ZNF721: variants seen among roughly 807,000 people sequenced by gnomAD.
ZNF721 encodes zinc finger protein 721.
ZNF721 carries 2 observed loss-of-function variants against 2.4 expected under a neutral mutation model. The observed-to-expected ratio is 0.82, with a 90% CI of 0.34 to 2.58. ZNF721 has a LOEUF of 2.58. Among genes scored for constraint, ZNF721 ranks in the 30% most tolerant of loss-of-function variants. ZNF721 has a pLI of 0.11. For synonymous variants in ZNF721, 398 were observed against 381.8 expected, an observed-to-expected ratio of 1.04 and a Z score of -0.50; for missense variants, 1,187 against 1,085.5, an observed-to-expected ratio of 1.09 and a Z score of -1.31.
chr4:447,334 TAAATA>T (rs1714510004), intron 2 of ZNF721, among the ~76,000 whole-genome samples: 1 of 151,552 alleles, frequency 6.6e-6, no homozygotes, highest in Admixed American at 6.6e-5. Context: ...AATAAATAAA[TAAATA>T]AAATAAAACA....
At position 442,779 on chromosome 4, in the gene ZNF721, CCA is replaced by C; in HGVS notation, c.1686_1687del (p.Cys562TrpfsTer5). The C allele has an allele frequency of 6.2e-7, 1 of 1,614,028 alleles. No individual in the cohort carries two copies. Among genetic ancestry groups the C allele is most frequent in the Admixed American group, 1.7e-5 (1 of 60,006 alleles). ...GTTTGCGGACTGTCTAAAGGTTTTGCCACATTCTTCACATGTGTAGGGTTTCT... is the reference window on the plus strand; with the variant it reads ...GTTTGCGGACTGTCTAAAGGTTTTGCCATTCTTCACATGTGTAGGGTTTCT... On this transcript the variant is annotated frameshift_variant, in exon 3 of 3. Transcript: ENST00000511833. LOFTEE classifies it low-confidence loss of function (END_TRUNC).
intron 2 of ZNF721, among the ~76,000 whole-genome samples, chr4:463,762 G>A (rs566496977): frequency 2.0e-5 from 3 of 152,258 alleles, no homozygotes; most frequent in East Asian, 3.9e-4. Flanking sequence ...GTAAGGGAAT[G>A]AGGGGGCTAG....
At chr4:475,302 T>G (rs1389193145) in intron 1 of ZNF721, among the ~76,000 whole-genome samples, 2 of 152,204 alleles carry the variant, frequency 1.3e-5, no homozygotes, top group Non-Finnish European at 2.9e-5. Flanking sequence ...GGCCTTTATA[T>G]TACAAGTCAT....
chr4:472,838 G>A, intron 1 of ZNF721, 137 bp from the exon 2 acceptor site: 1 of 1,202,348 alleles, frequency 8.3e-7, no homozygotes, highest in Non-Finnish European at 1.2e-6. Flanking sequence ...GTTCTCTAAA[G>A]TATTCTATAG....
In ZNF721 at chr4:472,539, G is replaced by A. The variant is rs782671951; in HGVS notation, c.34+36C>T. ...CAAAAATAGAAAATAAAACTCAGAG[G>A]GAGTATTAGGAATTATGCATTAAAG... On this transcript the variant is annotated intron_variant, in intron 2 of 2. Transcript: ENST00000511833. 7.0e-6 allele frequency: 11 copies of A among 1,572,056 alleles called. No homozygotes were observed. The African/African-American group carries it at 1.4e-4, about 20-fold the overall frequency.
At chr4:459,325 T>C (rs1553865759) in intron 2 of ZNF721, among the ~76,000 whole-genome samples, 1 of 152,080 alleles carries the variant, frequency 6.6e-6, no homozygotes. Context: ...GTAAAACGGC[T>C]AAATGCCCCA....
Position 442,983 on chromosome 4 carries a change from T to C in ZNF721, c.1484A>G (p.His495Arg), listed in dbSNP as rs1030178003. ...ACATTCAAAGGGTTTCTCGCCAGTATGAATCCTCTTATGTTTAGCAAAGCT... is the reference window on the plus strand; with the variant it reads ...ACATTCAAAGGGTTTCTCGCCAGTACGAATCCTCTTATGTTTAGCAAAGCT... ...SSSFAKHKRIHTGEKPFECLE... is the reference protein window; with the variant it reads ...SSSFAKHKRIRTGEKPFECLE... Residue 495 changes from histidine (H) to arginine (R), a missense_variant, in exon 3 of 3, where the codon CAT (histidine) becomes CGT (arginine). His to Arg is a conservative substitution (Grantham distance 29, BLOSUM62 0). Transcript: ENST00000511833. The C allele has an allele frequency of 6.2e-7, 1 of 1,613,908 alleles. No homozygotes were observed. The highest frequency in any genetic ancestry group is 8.5e-7 in the Non-Finnish European group (1 of 1,179,800).
intron 2 of ZNF721, among the ~76,000 whole-genome samples, chr4:464,454 G>T: frequency 7.5e-6 from 1 of 133,574 alleles, no homozygotes; most frequent in East Asian, 2.1e-4. Context: ...GGGCTACAGA[G>T]CGAGACTCCA....
At chr4:464,876 G>A (rs868962702) in intron 2 of ZNF721, among the ~76,000 whole-genome samples, 4 of 150,976 alleles carry the variant, frequency 2.6e-5, no homozygotes, top group African/African-American at 7.3e-5. Context: ...TCAGGAGATC[G>A]AAACCATCAT....
chr4:450,949 AAAAAAAAATATATATATATATATATAT>A (rs1461297390), intron 2 of ZNF721, among the ~76,000 whole-genome samples: 3 of 46,940 alleles, frequency 6.4e-5, no homozygotes, highest in South Asian at 2.1e-3. Flanking sequence ...AAAAAAAAAA[AAAAAAAAATATATATATATATATATAT>A]ATATATATAT....
At chr4:477,474 G>C (rs962662181) in intron 1 of ZNF721, among the ~76,000 whole-genome samples, 1 of 151,918 alleles carries the variant, frequency 6.6e-6, no homozygotes, top group South Asian at 2.1e-4. Context: ...CCCGGACCTC[G>C]TGATCCGCCT....
At chr4:478,593 G>T (rs931464440) in intron 1 of ZNF721, among the ~76,000 whole-genome samples, 1 of 152,042 alleles carries the variant, frequency 6.6e-6, no homozygotes, top group South Asian at 2.1e-4. Flanking sequence ...TCCATTGCAT[G>T]TACATTCCAT....
At chr4:481,099 T>C (rs1337251061) in intron 1 of ZNF721, among the ~76,000 whole-genome samples, 5 of 152,174 alleles carry the variant, frequency 3.3e-5, no homozygotes, top group Non-Finnish European at 5.9e-5. Context: ...TTTTTGTATT[T>C]TTTGTAGAGA....
At chr4:455,475 G>A (rs978445847) in intron 2 of ZNF721, among the ~76,000 whole-genome samples, 10 of 152,170 alleles carry the variant, frequency 6.6e-5, no homozygotes, top group African/African-American at 2.2e-4. Flanking sequence ...GCTGAGGCAG[G>A]AGAATCGTTT....
rs374613994 is a variant in ZNF721, at chr4:444,709, G to A, written c.35-277C>T. Among the ~76,000 whole-genome samples, 7 of 152,130 alleles carry A rather than the reference G, an allele frequency of 4.6e-5. No individual in the cohort carries two copies. In the East Asian group the frequency reaches 9.6e-4, roughly 21 times the overall value. On this transcript the variant is annotated intron_variant, in intron 2 of 2. Transcript: ENST00000511833. Reference sequence around the variant, plus strand: ...TGTTTGTTCAATTTACCCACCAACAGCTCTTCCTCCCCAATATAGCACTAT... The same window carrying A: ...TGTTTGTTCAATTTACCCACCAACAACTCTTCCTCCCCAATATAGCACTAT...
At chr4:445,131 C>T (rs1175378508) in intron 2 of ZNF721, among the ~76,000 whole-genome samples, 1 of 151,764 alleles carries the variant, frequency 6.6e-6, no homozygotes, top group East Asian at 1.9e-4. Context: ...ACTACAGGCA[C>T]CTACCACCAC....
At chr4:495,997 T>C (rs558746120) in intron 1 of ZNF721, among the ~76,000 whole-genome samples, 1 of 152,322 alleles carries the variant, frequency 6.6e-6, no homozygotes, top group East Asian at 1.9e-4. Context: ...CTTTCAGAAA[T>C]ACAGCCATTG....
At chr4:491,895 C>T (rs1417544356) in intron 1 of ZNF721, among the ~76,000 whole-genome samples, 1 of 152,068 alleles carries the variant, frequency 6.6e-6, no homozygotes. Context: ...TGGCTCATGC[C>T]TGTAATCCCA....
intron 1 of ZNF721, among the ~76,000 whole-genome samples, chr4:485,840 T>A (rs1715881879): frequency 6.6e-6 from 1 of 152,156 alleles, no homozygotes; most frequent in South Asian, 2.1e-4. Context: ...CCAGGCGTGC[T>A]GGTGCGTGCC....
Sources: allele counts gnomAD v4.1 joint callset (sites outside exome capture counted in the v4.1 genomes callset), GRCh38; gene constraint gnomAD v4.1.1; transcripts MANE v1.5; gene names NCBI Gene and HGNC (gene_info 2026-07-23, HGNC 2026-07-21).